Variants in SHOC2 observed in about 807,000 individuals in gnomAD.
SHOC2 encodes leucine-rich repeat protein SHOC-2.
A neutral mutation model predicts 50.2 loss-of-function variants in SHOC2; 4 were observed. That is an observed-to-expected ratio of 0.08 (90% confidence interval 0.04 to 0.18). SHOC2 has a LOEUF of 0.18. Ranked by LOEUF, SHOC2 falls within the 10% of genes least tolerant of loss-of-function variation. The pLI is 1.00. For synonymous variants in SHOC2, 218 were observed against 244.5 expected, an observed-to-expected ratio of 0.89 and a Z score of 1.01; for missense variants, 388 against 669.6, an observed-to-expected ratio of 0.58 and a Z score of 4.64.
intron 5 of SHOC2, among the ~76,000 whole-genome samples, chr10:111,005,213 G>T (rs556923959): frequency 1.8e-4 from 27 of 152,128 alleles, no homozygotes; most frequent in Non-Finnish European, 2.9e-4. Flanking sequence ...GTTCAAGGCT[G>T]CAGTGAGTTA....
rs72819758 is a variant in SHOC2, at chr10:110,964,200, T to C, written c.-159T>C. ...AATGATCAGAAATGGGCATAGTGCTTTTAGATCCAACATGTAACAGATGGA... is the reference window on the plus strand; with the variant it reads ...AATGATCAGAAATGGGCATAGTGCTCTTAGATCCAACATGTAACAGATGGA... On this transcript the variant is annotated 5_prime_UTR_variant, in exon 2 of 9. Transcript: ENST00000369452. This position sits in a 1 kb window ranked among gnomAD's most constrained non-coding sequence, Gnocchi z 4.9. The C allele has an allele frequency of 3.8e-3, 4,358 of 1,138,158 alleles. 13 individuals carry two copies. The highest frequency in any genetic ancestry group is 5.4e-3 in the Admixed American group (191 of 35,434). 70.5% of individuals were successfully genotyped at this position (1,138,158 alleles called of 1,614,324 possible).
rs750480407 is a variant in SHOC2, at chr10:110,964,786, G to A, written c.428G>A (p.Gly143Glu). 5.0e-6 allele frequency: 8 copies of A among 1,614,082 alleles called. No homozygotes were observed. The highest frequency in any genetic ancestry group is 5.9e-6 in the Non-Finnish European group (7 of 1,179,978). ...TTGCAGTCCCTCCCAGCAGAGGTGG[G>A]ATGTTTAGTAAATCTCATGACACTG... ...NKLQSLPAEVGCLVNLMTLAL... is the reference protein window; with the variant it reads ...NKLQSLPAEVECLVNLMTLAL... Residue 143 changes from glycine (G) to glutamate (E), a missense_variant, in exon 2 of 9, where the codon GGA becomes GAA. By Grantham distance (98) the Gly-to-Glu change is moderately conservative (BLOSUM62 -2). Around this residue, in one of 5 missense-constraint regions of SHOC2, gnomAD observed 88 missense variants for 147.2 expected, o/e 0.60. Transcript: ENST00000369452. This position sits in a 1 kb window ranked among gnomAD's most constrained non-coding sequence, Gnocchi z 4.9.
chr10:110,969,769 G>A (rs767261972), intron 2 of SHOC2, among the ~76,000 whole-genome samples: 3 of 151,946 alleles, frequency 2.0e-5, no homozygotes, highest in African/African-American at 7.3e-5. Flanking sequence ...TTTCATGTGG[G>A]TCTAGTTGTC....
intron 1 of SHOC2, among the ~76,000 whole-genome samples, chr10:110,955,346 A>C (rs1442478665): frequency 6.6e-6 from 1 of 152,200 alleles, no homozygotes; most frequent in Non-Finnish European, 1.5e-5. Context: ...GGAAGGAGGA[A>C]TAGGAATAAC....
intron 1 of SHOC2, among the ~76,000 whole-genome samples, chr10:110,931,962 A>G (rs1270165448): frequency 6.6e-6 from 1 of 152,180 alleles, no homozygotes. Context: ...TAGCATGATA[A>G]GTGTTCTGTT....
At chr10:111,003,606 A>G (rs549767639) in intron 4 of SHOC2, among the ~76,000 whole-genome samples, 8 of 152,332 alleles carry the variant, frequency 5.3e-5, no homozygotes, top group African/African-American at 1.7e-4. Context: ...CAAAGTCACA[A>G]GCTATTTAAA....
At chr10:110,976,416 ATCCT>A (rs1847879633) in intron 2 of SHOC2, among the ~76,000 whole-genome samples, 1 of 150,152 alleles carries the variant, frequency 6.7e-6, no homozygotes, top group African/African-American at 2.5e-5. Flanking sequence ...GGCTCTAGTG[ATCCT>A]TCCTCCTCAG....
intron 2 of SHOC2, among the ~76,000 whole-genome samples, chr10:110,973,750 T>C (rs1847826076): frequency 6.6e-6 from 1 of 152,168 alleles, no homozygotes; most frequent in African/African-American, 2.4e-5. Flanking sequence ...TCAGGTTTTC[T>C]ATTTGTTCTC....
chr10:110,973,327 G>A (rs10787293), intron 2 of SHOC2, among the ~76,000 whole-genome samples: 16,330 of 152,140 alleles, frequency 0.11, 965 homozygotes, highest in Middle Eastern at 0.16. Flanking sequence ...GTAAAGGAAA[G>A]TTTATAACCG....
chr10:111,007,477 A>G (rs1011229431), intron 5 of SHOC2, 54 bp from the exon 6 acceptor site: 8 of 1,600,064 alleles, frequency 5.0e-6, no homozygotes, highest in African/African-American at 1.3e-5. Flanking sequence ...ACAGGTATAT[A>G]TAGAACTTTG....
intron 1 of SHOC2, among the ~76,000 whole-genome samples, chr10:110,939,437 C>A (rs1847094229): frequency 6.6e-6 from 1 of 152,054 alleles, no homozygotes; most frequent in Middle Eastern, 3.2e-3. Flanking sequence ...CCAGGCTGGT[C>A]TCGAACTTCT....
chr10:110,937,034 A>T (rs746309763), intron 1 of SHOC2: 1 of 1,485,024 alleles, frequency 6.7e-7, no homozygotes, highest in South Asian at 1.1e-5. Context: ...GGGGCGTCGG[A>T]AAGGGTTGGT....
At chr10:110,926,451 A>G (rs191333442) in intron 1 of SHOC2, among the ~76,000 whole-genome samples, 1 of 152,276 alleles carries the variant, frequency 6.6e-6, no homozygotes, top group Admixed American at 6.5e-5. Context: ...TAATTCAGGC[A>G]TTTTTATTCT....
At chr10:110,956,137 G>A (rs943911971) in intron 1 of SHOC2, among the ~76,000 whole-genome samples, 1 of 151,998 alleles carries the variant, frequency 6.6e-6, no homozygotes, top group Non-Finnish European at 1.5e-5. Flanking sequence ...ATCTGCATGT[G>A]CCTAATTGCC....
At chr10:110,980,105 C>T (rs1453785705) in intron 2 of SHOC2, among the ~76,000 whole-genome samples, 2 of 151,700 alleles carry the variant, frequency 1.3e-5, no homozygotes, top group Non-Finnish European at 2.9e-5. Flanking sequence ...GACAAAGAAC[C>T]AGGCCTTCAC....
chr10:110,957,462 G>A lies in SHOC2; in HGVS notation c.-234-6663G>A, dbSNP rs146938013. Among the ~76,000 whole-genome samples the A allele has an allele frequency of 5.2e-3, 787 of 151,808 alleles. 7 individuals are homozygous for A. Among genetic ancestry groups the A allele is most frequent in the African/African-American group, 0.018 (748 of 41,332 alleles). ...TTTTTTACCTGGTGTGTATAATGCC[G>A]CATGTATATGTTTGTGGATAAATGT... On this transcript the variant is annotated intron_variant, in intron 1 of 8. Coordinates refer to ENST00000369452, the MANE Select transcript of SHOC2 (RefSeq NM_007373.4).
chr10:110,923,414 T>TC (rs946336808), intron 1 of SHOC2, among the ~76,000 whole-genome samples: 5 of 152,084 alleles, frequency 3.3e-5, no homozygotes, highest in Admixed American at 1.3e-4. Flanking sequence ...TTTGGTATTT[T>TC]CCCCCGGGTC....
At chr10:110,951,995 C>T (rs769341020) in intron 1 of SHOC2, among the ~76,000 whole-genome samples, 1 of 152,128 alleles carries the variant, frequency 6.6e-6, no homozygotes, top group African/African-American at 2.4e-5. Context: ...CTTACAGGCA[C>T]AGGGCTGTTT....
chr10:111,007,045 T>C (rs1394849700), intron 5 of SHOC2, among the ~76,000 whole-genome samples: 1 of 152,238 alleles, frequency 6.6e-6, no homozygotes, highest in Non-Finnish European at 1.5e-5. Flanking sequence ...TTTAATTTGC[T>C]GTCTTTTTAA....
Sources: gnomAD v4.1 joint callset for allele counts (sites outside exome capture counted in the v4.1 genomes callset) on GRCh38, gnomAD v4.1.1 for gene constraint, gnomAD v4.1.1 regional missense constraint, Gnocchi (gnomAD v3.1) non-coding constraint, MANE v1.5 for transcripts, NCBI Gene and HGNC (gene_info 2026-07-23, HGNC 2026-07-21) for gene names.